Variants in AP3B1 observed in about 807,000 individuals in gnomAD.
AP3B1 encodes AP-3 complex subunit beta-1.
Under a neutral mutation model 132.5 loss-of-function variants are expected in AP3B1, and 61 were observed. The ratio of observed to expected loss-of-function variants is 0.46; its 90% CI spans 0.37 to 0.57. The LOEUF (loss-of-function observed/expected upper bound fraction) is 0.57. AP3B1 is among the 20% of genes least tolerant of loss of function. AP3B1 has a pLI of 0.00. For synonymous variants in AP3B1, 388 were observed against 438.3 expected (o/e 0.89, Z 1.43); for missense variants, 1,120 against 1,289.4 (o/e 0.87, Z 2.01).
intron 6 of AP3B1, among the ~76,000 whole-genome samples, chr5:78,224,813 T>C (rs1685601807): frequency 6.6e-6 from 1 of 152,034 alleles, no homozygotes; most frequent in South Asian, 2.1e-4. Flanking sequence ...TAAACATACA[T>C]GCACCAAACA....
intron 22 of AP3B1, among the ~76,000 whole-genome samples, chr5:78,051,336 G>A (rs186796020): frequency 1.9e-3 from 289 of 152,196 alleles, no homozygotes; most frequent in Non-Finnish European, 3.0e-3. Flanking sequence ...GCAGTTAGCT[G>A]GTAATGGACC....
chr5:78,158,846 G>A (rs547502657), intron 13 of AP3B1, among the ~76,000 whole-genome samples: 4 of 152,004 alleles, frequency 2.6e-5, no homozygotes, highest in South Asian at 2.1e-4. Context: ...ACAGGTGCCC[G>A]CCACCACGCC....
intron 21 of AP3B1, among the ~76,000 whole-genome samples, chr5:78,096,953 C>T (rs1347386378): frequency 1.4e-5 from 2 of 147,164 alleles, no homozygotes; most frequent in Non-Finnish European, 3.0e-5. Flanking sequence ...GCCCAGCCGC[C>T]CCTACTGGGA....
chr5:78,032,265 G>A (rs780537574), intron 24 of AP3B1, among the ~76,000 whole-genome samples: 7 of 152,062 alleles, frequency 4.6e-5, no homozygotes, highest in African/African-American at 1.4e-4. Flanking sequence ...GTATCTGACA[G>A]GCTTTTGGTC....
intron 20 of AP3B1, among the ~76,000 whole-genome samples, chr5:78,106,674 G>A (rs1186721719): frequency 6.6e-6 from 1 of 152,174 alleles, no homozygotes; most frequent in Non-Finnish European, 1.5e-5. Context: ...TGCAGGTAAT[G>A]AAGAGCTAAT....
At chr5:78,120,689 A>G (rs1752136864) in intron 17 of AP3B1, among the ~76,000 whole-genome samples, 2 of 152,110 alleles carry the variant, frequency 1.3e-5, no homozygotes, top group Admixed American at 6.5e-5. Context: ...CCAGATTCAT[A>G]AAGCAAGTCC....
At chr5:78,131,362 G>T (rs1340753584) in intron 15 of AP3B1, among the ~76,000 whole-genome samples, 1 of 151,492 alleles carries the variant, frequency 6.6e-6, no homozygotes, top group Non-Finnish European at 1.5e-5. Context: ...ACCATATTTG[G>T]GTATAATGGA....
At chr5:78,149,408 A>G (rs1288774843) in intron 14 of AP3B1, among the ~76,000 whole-genome samples, 1 of 152,202 alleles carries the variant, frequency 6.6e-6, no homozygotes, top group Non-Finnish European at 1.5e-5. Context: ...AATAATTTAT[A>G]TTTTTAAGGT....
chr5:78,190,140 G>T (rs1445183689), intron 7 of AP3B1, among the ~76,000 whole-genome samples: 1 of 151,882 alleles, frequency 6.6e-6, no homozygotes, highest in East Asian at 1.9e-4. Flanking sequence ...TTTATAATGG[G>T]ATTATGAGCT....
chr5:78,225,081 T>C (rs1746348849), intron 6 of AP3B1, among the ~76,000 whole-genome samples: 1 of 152,120 alleles, frequency 6.6e-6, no homozygotes, highest in African/African-American at 2.4e-5. Flanking sequence ...ACAGGGCTAC[T>C]GCCTACTGTA....
intron 14 of AP3B1, among the ~76,000 whole-genome samples, chr5:78,151,469 T>A (rs1318627344): frequency 6.6e-6 from 1 of 152,180 alleles, no homozygotes; most frequent in African/African-American, 2.4e-5. Flanking sequence ...TTTTCCCCAT[T>A]CAGTATGATA....
chr5:78,291,234 A>C (rs1488864830), intron 1 of AP3B1, among the ~76,000 whole-genome samples: 1 of 152,152 alleles, frequency 6.6e-6, no homozygotes, highest in African/African-American at 2.4e-5. Flanking sequence ...GTGAACACAG[A>C]GCTCTAGGCC....
In AP3B1 at chr5:78,281,449, A is replaced by T. The variant is rs139886161; in HGVS notation, c.128+13003T>A. Among the ~76,000 whole-genome samples the T allele has an allele frequency of 9.9e-3, 1,499 of 151,920 alleles. 23 individuals carry two copies. Among genetic ancestry groups the T allele is most frequent in the African/African-American group, 0.033 (1,386 of 41,424 alleles). Reference sequence around the variant, plus strand: ...AACTCTGCCTCAAAAAAAAAAAAAAAAAAAAAAACAGTTCTCATCTATAGT... The same window carrying T: ...AACTCTGCCTCAAAAAAAAAAAAAATAAAAAAAACAGTTCTCATCTATAGT... On this transcript the variant is annotated intron_variant, in intron 1 of 26. Coordinates refer to ENST00000255194, the MANE Select transcript of AP3B1 (RefSeq NM_003664.5).
chr5:78,127,217 A>T (rs1752499687), intron 17 of AP3B1, among the ~76,000 whole-genome samples: 3 of 152,228 alleles, frequency 2.0e-5, no homozygotes, highest in Non-Finnish European at 2.9e-5. Flanking sequence ...CACAGGAATT[A>T]GTAAAGAACC....
intron 11 of AP3B1, among the ~76,000 whole-genome samples, chr5:78,167,026 C>G (rs1422910114): frequency 6.6e-6 from 1 of 152,168 alleles, no homozygotes; most frequent in Non-Finnish European, 1.5e-5. Context: ...AGCTTCTGCA[C>G]AGCATAAGAA....
chr5:78,227,652 C>T (rs1746454561), intron 4 of AP3B1, 120 bp from the exon 5 acceptor site: 1 of 935,256 alleles, frequency 1.1e-6, no homozygotes, highest in Non-Finnish European at 1.7e-6. Context: ...AAGAAAGCTA[C>T]TTAATTTAAA....
At chr5:78,043,999 G>A (rs1175418827) in intron 22 of AP3B1, 9 of 294,792 alleles carry the variant, frequency 3.1e-5, no homozygotes, top group Non-Finnish European at 6.1e-5. Flanking sequence ...CAATGCATCA[G>A]AAACATTAGA....
intron 21 of AP3B1, among the ~76,000 whole-genome samples, chr5:78,097,278 G>C (rs1580342648): frequency 7.4e-6 from 1 of 135,618 alleles, no homozygotes; most frequent in East Asian, 2.3e-4. Context: ...CCGTCCGGGA[G>C]GGAGGTGGGG....
chr5:78,272,874 A>C (rs138730394), intron 1 of AP3B1, among the ~76,000 whole-genome samples: 69 of 152,314 alleles, frequency 4.5e-4, no homozygotes, highest in African/African-American at 1.6e-3. Context: ...TGAACACAGG[A>C]GAGTCATGAT....
Sources: allele counts gnomAD v4.1 joint callset (sites outside exome capture counted in the v4.1 genomes callset), GRCh38; gene constraint gnomAD v4.1.1; transcripts MANE v1.5; gene names NCBI Gene and HGNC (gene_info 2026-07-23, HGNC 2026-07-21).